The following SH3BP2 variants were observed in gnomAD, a reference collection of about 807,000 sequenced individuals.
SH3BP2 encodes the protein SH3 domain-binding protein 2.
SH3BP2 carries 38 observed loss-of-function variants against 56.2 expected under a neutral mutation model. The ratio of observed to expected loss-of-function variants is 0.68; its 90% CI spans 0.52 to 0.89. The LOEUF is 0.89. Ranked by LOEUF, SH3BP2 falls within the 40% of genes least tolerant of loss-of-function variation. The probability of loss-of-function intolerance (pLI) is 0.00; values close to 1 mark genes in which losing one functional copy is unlikely to be tolerated. For synonymous variants in SH3BP2, 346 were observed against 316.7 expected, an observed-to-expected ratio of 1.09 and a Z score of -0.98; for missense variants, 748 against 762.6, an observed-to-expected ratio of 0.98 and a Z score of 0.23.
Position 2,810,300 on chromosome 4 carries a change from C to A in SH3BP2, c.-4-10314C>A, listed in dbSNP as rs1011600748. ...GGGTCCCCTCACCTGGCCTGCTCCT[C>A]TCCTCTGGGCTGGACTCCCCCTGTA... On this transcript the variant is annotated intron_variant, in intron 1 of 12. Transcript: ENST00000503393. This position sits in a 1 kb window ranked among gnomAD's most constrained non-coding sequence, Gnocchi z 4.2. 2.0e-4 allele frequency among the ~76,000 whole-genome samples: 30 copies of A among 151,734 alleles called. No individual in the cohort carries two copies. Among genetic ancestry groups the A allele is most frequent in the African/African-American group, 7.3e-4 (30 of 41,290 alleles).
intron 5 of SH3BP2, chr4:2,826,921 C>T: frequency 3.5e-6 from 2 of 572,310 alleles, no homozygotes; most frequent in East Asian, 8.0e-5. Flanking sequence ...ATATCCATGC[C>T]TGTGTGCCTG....
chr4:2,818,465 GC>G, intron 1 of SH3BP2: 2 of 860,870 alleles, frequency 2.3e-6, no homozygotes, highest in Non-Finnish European at 3.0e-6. Flanking sequence ...CGCACCCCGA[GC>G]CCCTGGACCA....
intron 1 of SH3BP2, among the ~76,000 whole-genome samples, chr4:2,805,983 G>C (rs779191317): frequency 1.3e-5 from 2 of 152,190 alleles, no homozygotes; most frequent in African/African-American, 4.8e-5. Context: ...GGAAAAGCAC[G>C]GCCGGACGCT....
chr4:2,798,861 C>G (rs1216531667), intron 1 of SH3BP2: 1 of 587,502 alleles, frequency 1.7e-6, no homozygotes, highest in African/African-American at 2.0e-5. Context: ...GGCCGTGTGA[C>G]CTGGGCATCC....
intron 1 of SH3BP2, among the ~76,000 whole-genome samples, chr4:2,802,480 A>T (rs531208291): frequency 4.0e-4 from 60 of 150,222 alleles, no homozygotes; most frequent in Non-Finnish European, 7.1e-4. Flanking sequence ...GTATGTGTAT[A>T]TATATGTGTA....
chr4:2,818,376 C>A, intron 1 of SH3BP2: 1 of 1,179,094 alleles, frequency 8.5e-7, no homozygotes, highest in South Asian at 4.2e-5. Flanking sequence ...CGGCCATGCC[C>A]GCCGCGTGGA....
chr4:2,819,307 A>G (rs1227845503), intron 1 of SH3BP2, among the ~76,000 whole-genome samples: 4 of 152,124 alleles, frequency 2.6e-5, no homozygotes, highest in African/African-American at 9.7e-5. Context: ...GCAGCCTCAA[A>G]CTCCTGGGCT....
intron 1 of SH3BP2, among the ~76,000 whole-genome samples, chr4:2,795,541 T>C (rs973393990): frequency 4.0e-5 from 6 of 151,818 alleles, no homozygotes; most frequent in African/African-American, 1.5e-4. Context: ...CCTGGGTGGG[T>C]GAGGAGAAGG....
intron 4 of SH3BP2, 105 bp downstream of exon 4, chr4:2,824,835 C>T (rs1017514187): frequency 2.2e-6 from 2 of 901,728 alleles, no homozygotes; most frequent in Admixed American, 1.8e-5. Context: ...GCGCTGGCCT[C>T]TCAGCCCCGG....
chr4:2,834,018 AC>A lies in SH3BP2; in HGVS notation c.*186del. 1 of 687,568 alleles carries A rather than the reference AC, an allele frequency of 1.5e-6. No individual in the cohort carries two copies. The highest frequency in any genetic ancestry group is 2.4e-6 in the Non-Finnish European group (1 of 418,428). The allele number at this position is 687,568 out of a possible 1,614,324, so 42.6% of individuals were successfully genotyped here. A position where few individuals can be genotyped will look rare whatever the true frequency, so the allele number is the denominator to read the frequency against. ...CCAGCAGGTTGGGTTCTAGGGCTGA[AC>A]CAGGCGCCAGGCTCCAGAGGACGAA... On this transcript the variant is annotated 3_prime_UTR_variant, in exon 13 of 13. Transcript: ENST00000503393.
chr4:2,825,145 G>T lies in SH3BP2; in HGVS notation c.377G>T (p.Arg126Leu). 2 of 1,579,964 alleles carry T rather than the reference G, an allele frequency of 1.3e-6. No individual in the cohort carries two copies. The highest frequency in any genetic ancestry group is 4.7e-5 in the East Asian group (2 of 42,778). Residue 126 changes from arginine (R) to leucine (L), a missense_variant, in exon 5 of 13, where the codon CGC (arginine) becomes CTC (leucine). Arg to Leu is a moderately radical substitution (Grantham distance 102, BLOSUM62 -2). Transcript: ENST00000503393. ...EERKSWMALL[R>L]REIGHFHEKK... is the part of the protein sequence containing the mutation. Reference sequence around the variant, plus strand: ...CTGCAGAGCTGGATGGCCTTGCTGCGCAGGGAGATTGGCCACTTCCACGAA... The same window carrying T: ...CTGCAGAGCTGGATGGCCTTGCTGCTCAGGGAGATTGGCCACTTCCACGAA...
intron 3 of SH3BP2, among the ~76,000 whole-genome samples, chr4:2,824,095 G>A (rs1356527614): frequency 3.3e-5 from 5 of 152,326 alleles, no homozygotes; most frequent in African/African-American, 4.8e-5. Flanking sequence ...CTTATGGGCC[G>A]TATAAGTGCA....
intron 7 of SH3BP2, 124 bp downstream of exon 7, chr4:2,827,798 C>T: frequency 1.3e-6 from 1 of 768,544 alleles, no homozygotes. Flanking sequence ...GCTTCCGCTT[C>T]CCTGCTGTGT....
At chr4:2,821,703 G>A (rs1365411243) in intron 2 of SH3BP2, among the ~76,000 whole-genome samples, 1 of 152,042 alleles carries the variant, frequency 6.6e-6, no homozygotes, top group Admixed American at 6.5e-5. Context: ...ACTATGCCCT[G>A]TTAATTTTTT....
At chr4:2,798,116 A>T (rs1723120216) in intron 1 of SH3BP2, among the ~76,000 whole-genome samples, 1 of 151,338 alleles carries the variant, frequency 6.6e-6, no homozygotes, top group African/African-American at 2.4e-5. Context: ...GGCAGCAGGG[A>T]CCCAGCTGCT....
chr4:2,799,127 G>A (rs370706802), intron 1 of SH3BP2: 4 of 985,636 alleles, frequency 4.1e-6, no homozygotes, highest in Middle Eastern at 5.2e-4. Flanking sequence ...TCAGGACTTC[G>A]TTCCTGCTGT....
chr4:2,807,860 G>C (rs1723595006), intron 1 of SH3BP2, among the ~76,000 whole-genome samples: 1 of 152,158 alleles, frequency 6.6e-6, no homozygotes, highest in Non-Finnish European at 1.5e-5. Flanking sequence ...AGGAGGGTGG[G>C]AGGTGGAGAG....
Position 2,833,965 on chromosome 4 carries a change from A to C in SH3BP2, c.*131A>C, listed in dbSNP as rs1225825944. 4.4e-6 allele frequency: 5 copies of C among 1,131,574 alleles called. No homozygotes were observed. The highest frequency in any genetic ancestry group is 1.6e-5 in the African/African-American group (1 of 64,154). The allele number at this position is 1,131,574 out of a possible 1,614,324, so 70.1% of individuals were successfully genotyped here. A position where few individuals can be genotyped will look rare whatever the true frequency, so the allele number is the denominator to read the frequency against. ...TGCTTGCCTAGGGCCTCTGTGATGGACATCTCGTAGGACCCAGCCAGTCTC... is the reference window on the plus strand; with the variant it reads ...TGCTTGCCTAGGGCCTCTGTGATGGCCATCTCGTAGGACCCAGCCAGTCTC... On this transcript the variant is annotated 3_prime_UTR_variant, in exon 13 of 13. Transcript: ENST00000503393.
chr4:2,803,589 T>C (rs949267629), intron 1 of SH3BP2, among the ~76,000 whole-genome samples: 1 of 152,070 alleles, frequency 6.6e-6, no homozygotes, highest in African/African-American at 2.4e-5. Context: ...CAGGCGTGAA[T>C]GGTGCCCAGG....
Sources: allele counts gnomAD v4.1 joint callset (sites outside exome capture counted in the v4.1 genomes callset), GRCh38; gene constraint gnomAD v4.1.1; non-coding constraint Gnocchi (gnomAD v3.1); transcripts MANE v1.5; gene names NCBI Gene and HGNC (gene_info 2026-07-23, HGNC 2026-07-21).